The following NCOA3 variants were observed in gnomAD, a reference collection of about 807,000 sequenced individuals.
NCOA3 encodes nuclear receptor coactivator 3, also known as CBP-interacting protein.
In NCOA3, 51 loss-of-function variants were observed where a neutral mutation model predicts 158.8. The ratio of observed to expected loss-of-function variants is 0.32; its 90% CI spans 0.26 to 0.41. The LOEUF (loss-of-function observed/expected upper bound fraction) is 0.41. Ranked by LOEUF, NCOA3 falls within the 10% of genes least tolerant of loss-of-function variation. The probability of loss-of-function intolerance (pLI) is 1.00; values close to 1 mark genes in which losing one functional copy is unlikely to be tolerated. For synonymous variants in NCOA3, 537 were observed against 592.4 expected, an observed-to-expected ratio of 0.91 and a Z score of 1.36; for missense variants, 1,510 against 1,746.6, an observed-to-expected ratio of 0.86 and a Z score of 2.41.
At chr20:47,651,684 G>A (rs773735948) in intron 20 of NCOA3, among the ~76,000 whole-genome samples, 25 of 151,500 alleles carry the variant, frequency 1.7e-4, no homozygotes, top group Non-Finnish European at 3.5e-4. Context: ...TTTTTTTTGA[G>A]ATGGGGGTCT....
intron 1 of NCOA3, among the ~76,000 whole-genome samples, chr20:47,569,085 G>T (rs1437898019): frequency 6.6e-6 from 1 of 152,016 alleles, no homozygotes; most frequent in African/African-American, 2.4e-5. Context: ...TCATGCTGAG[G>T]CAGGAGGATC....
intron 2 of NCOA3, among the ~76,000 whole-genome samples, chr20:47,618,437 C>T (rs770004981): frequency 1.4e-5 from 2 of 147,760 alleles, no homozygotes; most frequent in Non-Finnish European, 3.0e-5. Flanking sequence ...TTACTGCAAC[C>T]TCCATCTCCC....
chr20:47,635,687 C>T lies in NCOA3; in HGVS notation c.1478C>T (p.Ala493Val). 1.2e-6 allele frequency: 2 copies of T among 1,613,946 alleles called. No homozygotes were observed. The highest frequency in any genetic ancestry group is 8.5e-7 in the Non-Finnish European group (1 of 1,179,884). ...CGTAATCGTGGGAGTCCAAAGATAGCCTCACATCAGTTTTCTCCTGTTGCA... is the reference window on the plus strand; with the variant it reads ...CGTAATCGTGGGAGTCCAAAGATAGTCTCACATCAGTTTTCTCCTGTTGCA... ...SPRNRGSPKI[A>V]SHQFSPVAGV... Residue 493 changes from alanine to valine, a missense_variant, in exon 11 of 23, where the codon GCC becomes GTC. By Grantham distance (64) the Ala-to-Val change is moderately conservative. This residue lies in a region of NCOA3 where 1,017 missense variants were observed against 1,098.3 expected (regional missense o/e 0.93). Transcript: ENST00000371998.
intron 2 of NCOA3, among the ~76,000 whole-genome samples, chr20:47,589,945 A>C (rs72645218): frequency 2.2e-5 from 3 of 134,460 alleles, no homozygotes; most frequent in Non-Finnish European, 5.3e-5. Flanking sequence ...TTTTAAAAAA[A>C]TTTTTTAATT....
At chr20:47,603,898 T>C (rs1480342066) in intron 2 of NCOA3, among the ~76,000 whole-genome samples, 1 of 152,138 alleles carries the variant, frequency 6.6e-6, no homozygotes, top group Admixed American at 6.6e-5. Context: ...AAAGGCAACT[T>C]TTAGGCATGA....
chr20:47,633,978 C>T (rs535414508), intron 9 of NCOA3, 70 bp from the exon 10 acceptor site: 2 of 1,552,314 alleles, frequency 1.3e-6, no homozygotes, highest in Non-Finnish European at 1.8e-6. Context: ...TATATTTCCT[C>T]CCTGTCCCCT....
At chr20:47,525,883 C>T (rs1229053678) in intron 1 of NCOA3, among the ~76,000 whole-genome samples, 123 of 128,444 alleles carry the variant, frequency 9.6e-4, no homozygotes, top group African/African-American at 2.8e-3. Context: ...GCTGGCCGGG[C>T]GGGGGGCTGA....
At chr20:47,548,753 G>A (rs1403419116) in intron 1 of NCOA3, among the ~76,000 whole-genome samples, 2 of 152,018 alleles carry the variant, frequency 1.3e-5, no homozygotes, top group Non-Finnish European at 2.9e-5. Context: ...AATCTAGAAA[G>A]GATTAATTAT....
intron 1 of NCOA3, among the ~76,000 whole-genome samples, chr20:47,509,360 C>CA (rs2084078581): frequency 1.3e-5 from 2 of 152,204 alleles, no homozygotes; most frequent in African/African-American, 4.8e-5. Context: ...TGCCATTGCA[C>CA]ACCAGCCTGA....
chr20:47,616,885 A>G (rs1005844904), intron 2 of NCOA3, among the ~76,000 whole-genome samples: 3 of 152,212 alleles, frequency 2.0e-5, no homozygotes, highest in Admixed American at 6.5e-5. Flanking sequence ...TTTCTTTTCT[A>G]TTCAACTATA....
At chr20:47,524,848 G>C (rs989011397) in intron 1 of NCOA3, among the ~76,000 whole-genome samples, 3 of 152,170 alleles carry the variant, frequency 2.0e-5, no homozygotes, top group Admixed American at 2.0e-4. Context: ...TCCTGCTGCA[G>C]CCTCCCCAGT....
intron 8 of NCOA3, among the ~76,000 whole-genome samples, chr20:47,629,606 C>G (rs1330822867): frequency 1.3e-5 from 2 of 152,222 alleles, no homozygotes; most frequent in Non-Finnish European, 2.9e-5. Flanking sequence ...GTTGGGATTA[C>G]AGGCATGAGC....
chr20:47,511,539 A>C (rs1386759128), intron 1 of NCOA3, among the ~76,000 whole-genome samples: 2 of 29,248 alleles, frequency 6.8e-5, no homozygotes, highest in Admixed American at 1.2e-3. Context: ...ATATATATAT[A>C]TATATATATA....
At chr20:47,563,341 C>T (rs1020249850) in intron 1 of NCOA3, among the ~76,000 whole-genome samples, 3 of 152,086 alleles carry the variant, frequency 2.0e-5, no homozygotes, top group African/African-American at 7.2e-5. Flanking sequence ...AGTGTAGTTT[C>T]ACCAGTTGTA....
At chr20:47,606,366 G>A (rs1212155664) in intron 2 of NCOA3, among the ~76,000 whole-genome samples, 6 of 152,144 alleles carry the variant, frequency 3.9e-5, no homozygotes, top group Non-Finnish European at 8.8e-5. Context: ...TTGCACCGAT[G>A]GTGGAAATGC....
Position 47,635,447 on chromosome 20 carries a change from G to A in NCOA3, c.1238G>A (p.Ser413Asn), listed in dbSNP as rs754018637. Residue 413 changes from serine to asparagine, a missense_variant, in exon 11 of 23, where the codon AGC becomes AAC. By Grantham distance (46) the Ser-to-Asn change is conservative (BLOSUM62 1). Around this residue, in one of 4 missense-constraint regions of NCOA3, gnomAD observed 1,017 missense variants for 1,098.3 expected, o/e 0.93. Coordinates refer to ENST00000371998, the MANE Select transcript of NCOA3 (RefSeq NM_181659.3). ...CCAAACCAAGGCTTACAGATGCCGA[G>A]CAGCAGGGCCTATGGCTTGGCAGAC... ...MSPNQGLQMP[S>N]SRAYGLADPS... The A allele has an allele frequency of 6.2e-7, 1 of 1,614,192 alleles. No homozygotes were observed. Among genetic ancestry groups the A allele is most frequent in the Non-Finnish European group, 8.5e-7 (1 of 1,180,030 alleles).
At chr20:47,565,326 C>T (rs1239452068) in intron 1 of NCOA3, among the ~76,000 whole-genome samples, 1 of 152,064 alleles carries the variant, frequency 6.6e-6, no homozygotes, top group Non-Finnish European at 1.5e-5. Context: ...GTTTTTTTTA[C>T]TCTCAGAGAC....
chr20:47,594,662 C>T (rs1294350775), intron 2 of NCOA3, among the ~76,000 whole-genome samples: 6 of 31,084 alleles, frequency 1.9e-4, no homozygotes, highest in Non-Finnish European at 1.7e-4. Context: ...GAGACTCTGT[C>T]TCAAAAAAAA....
chr20:47,538,316 T>A (rs1010022178), intron 1 of NCOA3, among the ~76,000 whole-genome samples: 2 of 152,214 alleles, frequency 1.3e-5, no homozygotes, highest in African/African-American at 4.8e-5. Context: ...GTGGTTTTTT[T>A]AGGCACTGCG....
Sources: allele counts gnomAD v4.1 joint callset (sites outside exome capture counted in the v4.1 genomes callset), GRCh38; gene constraint gnomAD v4.1.1; regional missense constraint gnomAD v4.1.1; transcripts MANE v1.5; gene names NCBI Gene and HGNC (gene_info 2026-07-23, HGNC 2026-07-21).